Variants in ALDH1A3 observed in about 807,000 individuals in gnomAD.
The protein encoded by ALDH1A3 is aldehyde dehydrogenase 1 family member A3, also known as retinaldehyde dehydrogenase 3.
ALDH1A3 carries 28 observed loss-of-function variants against 57.5 expected under a neutral mutation model. The observed-to-expected ratio is 0.49, with a 90% CI of 0.36 to 0.67. ALDH1A3 has a LOEUF of 0.67. Ranked by LOEUF, ALDH1A3 falls within the 30% of genes least tolerant of loss-of-function variation. The pLI is 0.00. For synonymous variants in ALDH1A3, 281 were observed against 264.8 expected (o/e 1.06, Z -0.59); for missense variants, 507 against 669.4 (o/e 0.76, Z 2.68).
chr15:100,907,054 T>C (rs2041829436), intron 10 of ALDH1A3, 67 bp from the exon 11 acceptor site: 2 of 1,546,196 alleles, frequency 1.3e-6, no homozygotes. Context: ...GAGAAGGAAA[T>C]GCTTGTTCAC....
At position 100,888,397 on chromosome 15, in the gene ALDH1A3, C is replaced by G. The variant is rs2041618109; in HGVS notation, c.345+685C>G. The G allele has an allele frequency of 2.0e-5, 3 of 152,246 alleles. No homozygotes were observed. The South Asian group carries it at 6.2e-4, about 32-fold the overall frequency. The allele number at this position is 152,246 out of a possible 1,614,324, so 9.4% of individuals were successfully genotyped here. On this transcript the variant is annotated intron_variant, in intron 3 of 12. Coordinates refer to ENST00000329841, the MANE Select transcript of ALDH1A3 (RefSeq NM_000693.4). ...GTGCTGGGATTACAGATGTGAGCCA[C>G]TGCACCCAGCCTTAACTCCCTTTTA...
rs764144635 is a variant in ALDH1A3, at chr15:100,879,928, C to G, written c.21C>G (p.Ala7=). The G allele has an allele frequency of 1.8e-5, 27 of 1,465,882 alleles. No homozygotes were observed. The highest frequency in any genetic ancestry group is 2.3e-5 in the Non-Finnish European group (26 of 1,107,440). The allele number at this position is 1,465,882 out of a possible 1,614,324, so 90.8% of individuals were successfully genotyped here. A position where few individuals can be genotyped will look rare whatever the true frequency, so the allele number is the denominator to read the frequency against. ...GAGCCATGGCCACCGCTAACGGGGC[C>G]GTGGAAAACGGGCAGCCGGACAGGA... MATANG[A]VENGQPDRKP... Residue 7 remains alanine (A), a synonymous_variant, in exon 1 of 13, where the codon GCC becomes GCG. Coordinates refer to ENST00000329841, the MANE Select transcript of ALDH1A3 (RefSeq NM_000693.4).
Position 100,892,974 on chromosome 15 carries a change from G to A in ALDH1A3, c.505G>A (p.Glu169Lys). 1 of 1,614,114 alleles carries A rather than the reference G, an allele frequency of 6.2e-7. No homozygotes were observed. The highest frequency in any genetic ancestry group is 1.1e-5 in the South Asian group (1 of 91,056). The change falls in exon 5 of 13, where the codon GAG becomes AAG. Residue 169 changes from glutamate to lysine, a missense_variant. Around this residue, in one of 2 missense-constraint regions of ALDH1A3, gnomAD observed 432 missense variants for 608.4 expected, o/e 0.71. Coordinates refer to ENST00000329841, the MANE Select transcript of ALDH1A3 (RefSeq NM_000693.4). ...CAACGTCGTGTGCTTCACCAGGCAT[G>A]AGCCCATTGGTGTCTGTGGGGCCAT... ...DDNVVCFTRH[E>K]PIGVCGAITP...
chr15:100,912,787 C>G (rs994160333), intron 12 of ALDH1A3, among the ~76,000 whole-genome samples: 1 of 152,200 alleles, frequency 6.6e-6, no homozygotes, highest in Non-Finnish European at 1.5e-5. Flanking sequence ...AGGCAAAGAA[C>G]TTACCTAAGC....
chr15:100,904,496 A>G (rs1334914891), intron 9 of ALDH1A3, among the ~76,000 whole-genome samples: 2 of 152,208 alleles, frequency 1.3e-5, no homozygotes, highest in Admixed American at 6.5e-5. Flanking sequence ...TCTGTTTATG[A>G]TCATTGGAAT....
chr15:100,889,385 C>CTT lies in ALDH1A3; in HGVS notation c.345+1673_345+1674insTT, dbSNP rs2041627026. 6.6e-6 allele frequency among the ~76,000 whole-genome samples: 1 copy of CTT among 152,112 alleles called. No individual in the cohort carries two copies. Among genetic ancestry groups the CTT allele is most frequent in the Non-Finnish European group, 1.5e-5 (1 of 68,014 alleles). The stretch of plus-strand genomic sequence containing the variant: ...TGCATCCACACAGAAACTCGAGCTC[C>CTT]CCTTCCTTCCTTCCCAGTCAGCCCG... On this transcript the variant is annotated intron_variant, in intron 3 of 12. Transcript: ENST00000329841. The surrounding 1 kb of genome is among the most constrained non-coding windows in gnomAD (Gnocchi z 5.1).
In ALDH1A3 at chr15:100,896,187, A is replaced by G. The variant is rs143214463; in HGVS notation, c.780+141A>G. 6.0e-3 allele frequency: 3,865 copies of G among 641,666 alleles called. 71 individuals are homozygous for G. The highest frequency in any genetic ancestry group is 0.045 in the East Asian group (1,614 of 36,266). The allele number at this position is 641,666 out of a possible 1,614,324, so 39.7% of individuals were successfully genotyped here. A position where few individuals can be genotyped will look rare whatever the true frequency, so the allele number is the denominator to read the frequency against. ...TTTTAGTACATAACAACCAGTTAAA[A>G]AAAGTCACTGGTCTAGTTTCCAAAC... On this transcript the variant is annotated intron_variant, in intron 7 of 12. Coordinates refer to ENST00000329841, the MANE Select transcript of ALDH1A3 (RefSeq NM_000693.4).
intron 4 of ALDH1A3, 126 bp from the exon 5 acceptor site, chr15:100,892,819 C>A: frequency 7.6e-7 from 1 of 1,323,064 alleles, no homozygotes; most frequent in Non-Finnish European, 1.0e-6. Flanking sequence ...CAAATCACTT[C>A]TCTGTATAAT....
chr15:100,891,364 A>G (rs2041647651), intron 3 of ALDH1A3, among the ~76,000 whole-genome samples: 1 of 152,220 alleles, frequency 6.6e-6, no homozygotes, highest in African/African-American at 2.4e-5. Flanking sequence ...CTCATTCCTG[A>G]AGCAAAGGGG....
At chr15:100,890,405 A>G (rs1299026858) in intron 3 of ALDH1A3, among the ~76,000 whole-genome samples, 1 of 152,208 alleles carries the variant, frequency 6.6e-6, no homozygotes, top group Non-Finnish European at 1.5e-5. Context: ...ACTCACCTGC[A>G]TAATTTTTTT....
In ALDH1A3 at chr15:100,906,265, C is replaced by A. The variant is rs953995402; in HGVS notation, c.1233+578C>A. Among the ~76,000 whole-genome samples, 6 of 152,212 alleles carry A rather than the reference C, an allele frequency of 3.9e-5. No homozygotes were observed. Among genetic ancestry groups the A allele is most frequent in the African/African-American group, 1.2e-4 (5 of 41,456 alleles). On this transcript the variant is annotated intron_variant, in intron 10 of 12. Coordinates refer to ENST00000329841, the MANE Select transcript of ALDH1A3 (RefSeq NM_000693.4). The surrounding 1 kb of genome is among the most constrained non-coding windows in gnomAD (Gnocchi z 4.8). ...TCTTTCTCTTTCAACTCCACTGTTA[C>A]ACTAGACGGGAACTGGTTCCCACAC... is the stretch of plus-strand genomic sequence containing the variant.
intron 12 of ALDH1A3, among the ~76,000 whole-genome samples, chr15:100,911,796 C>T (rs1252294170): frequency 6.6e-6 from 1 of 152,190 alleles, no homozygotes; most frequent in Non-Finnish European, 1.5e-5. Context: ...ATGAGAGGAG[C>T]TCTGTATTGA....
At chr15:100,901,897 G>A (rs1440080311) in intron 9 of ALDH1A3, among the ~76,000 whole-genome samples, 1 of 152,128 alleles carries the variant, frequency 6.6e-6, no homozygotes, top group Non-Finnish European at 1.5e-5. Flanking sequence ...CACACACTCC[G>A]ACGCCACGTG....
intron 8 of ALDH1A3, among the ~76,000 whole-genome samples, chr15:100,900,076 G>T (rs1486179056): frequency 6.6e-6 from 1 of 152,212 alleles, no homozygotes; most frequent in Non-Finnish European, 1.5e-5. Context: ...TTAGTTCAAT[G>T]TCAGCTCTGC....
chr15:100,897,468 A>T (rs891469859), intron 7 of ALDH1A3, among the ~76,000 whole-genome samples: 8 of 152,240 alleles, frequency 5.3e-5, no homozygotes, highest in Admixed American at 1.3e-4. Flanking sequence ...GGCCTTGAGC[A>T]TGACTGGTGA....
intron 3 of ALDH1A3, 91 bp from the exon 4 acceptor site, chr15:100,892,417 CTG>C: frequency 6.4e-7 from 1 of 1,564,836 alleles, no homozygotes; most frequent in Non-Finnish European, 8.7e-7. Flanking sequence ...TGTCCTAGGA[CTG>C]TGTTCTCTCC....
Position 100,913,031 on chromosome 15 carries a change from G to C in ALDH1A3, c.1467-1670G>C, listed in dbSNP as rs577522413. On this transcript the variant is annotated intron_variant, in intron 12 of 12. Coordinates refer to ENST00000329841, the MANE Select transcript of ALDH1A3 (RefSeq NM_000693.4). ...AAATTAGCCGGGCGTGGCAGCGGGC[G>C]CCTGTAGTCCCAGCTACTCGGGAGG... is the stretch of plus-strand genomic sequence containing the variant. Among the ~76,000 whole-genome samples the C allele has an allele frequency of 4.2e-5, 4 of 95,856 alleles. 2 individuals carry two copies. The East Asian group carries it at 1.6e-3, about 39-fold the overall frequency. 62.9% of individuals were successfully genotyped at this position (95,856 alleles called of 152,430 possible). A position where few individuals can be genotyped will look rare whatever the true frequency, so the allele number is the denominator to read the frequency against.
At chr15:100,896,183 T>TA (rs1167663866) in intron 7 of ALDH1A3, 137 bp downstream of exon 7, 4 of 658,064 alleles carry the variant, frequency 6.1e-6, no homozygotes, top group Non-Finnish European at 7.7e-6. Flanking sequence ...AACAACCAGT[T>TA]AAAAAAAGTC....
At chr15:100,888,253 C>T (rs1445538736) in intron 3 of ALDH1A3, among the ~76,000 whole-genome samples, 2 of 152,060 alleles carry the variant, frequency 1.3e-5, no homozygotes, top group African/African-American at 4.8e-5. Flanking sequence ...TGCCTGCCAC[C>T]ATGCCCGGCT....
Sources: gnomAD v4.1 joint callset for allele counts (sites outside exome capture counted in the v4.1 genomes callset) on GRCh38, gnomAD v4.1.1 for gene constraint, gnomAD v4.1.1 regional missense constraint, Gnocchi (gnomAD v3.1) non-coding constraint, MANE v1.5 for transcripts, NCBI Gene and HGNC (gene_info 2026-07-23, HGNC 2026-07-21) for gene names.